KHDRBS3: variants seen among roughly 807,000 people sequenced by gnomAD.
The protein encoded by KHDRBS3 is KH RNA binding domain containing, signal transduction associated 3.
In KHDRBS3, 23 loss-of-function variants were observed where a neutral mutation model predicts 45.6. The ratio of observed to expected loss-of-function variants is 0.50; its 90% CI spans 0.36 to 0.72. KHDRBS3 has a LOEUF of 0.72. Ranked by LOEUF, KHDRBS3 falls within the 30% of genes least tolerant of loss-of-function variation. The pLI is 0.00. For synonymous variants in KHDRBS3, 162 were observed against 156.5 expected (o/e 1.04, Z -0.26); for missense variants, 352 against 424.8 (o/e 0.83, Z 1.51).
rs1243405620 is a variant in KHDRBS3, at chr8:135,597,904, GACTTA to G, written c.808-9046_808-9042del. On this transcript the variant is annotated intron_variant, in intron 6 of 8. Coordinates refer to ENST00000355849, the MANE Select transcript of KHDRBS3 (RefSeq NM_006558.3). ...CCCTTCACTTGTTTGTAGGATTTCT[GACTTA>G]ACTTCATTGTTATTTTGTTTTTCTT... 1.4e-4 allele frequency among the ~76,000 whole-genome samples: 21 copies of G among 151,994 alleles called. 1 individual carries two copies. The highest frequency in any genetic ancestry group is 4.1e-4 in the South Asian group (2 of 4,828).
intron 6 of KHDRBS3, among the ~76,000 whole-genome samples, chr8:135,583,564 A>G (rs1283996573): frequency 1.3e-5 from 2 of 152,178 alleles, no homozygotes; most frequent in Non-Finnish European, 2.9e-5. Flanking sequence ...TGGTTGGATG[A>G]TGTAGTAGAA....
chr8:135,496,452 C>T (rs1000180822), intron 1 of KHDRBS3, among the ~76,000 whole-genome samples: 2 of 151,940 alleles, frequency 1.3e-5, no homozygotes, highest in African/African-American at 4.8e-5. Context: ...AGGCTGGTCT[C>T]GAACTCCTGA....
intron 1 of KHDRBS3, among the ~76,000 whole-genome samples, chr8:135,507,059 A>G (rs1328301918): frequency 6.6e-6 from 1 of 152,116 alleles, no homozygotes; most frequent in African/African-American, 2.4e-5. Context: ...AAATAAATAG[A>G]CTGCAGATAT....
At chr8:135,470,536 T>A (rs1821962026) in intron 1 of KHDRBS3, among the ~76,000 whole-genome samples, 1 of 152,034 alleles carries the variant, frequency 6.6e-6, no homozygotes, top group East Asian at 1.9e-4. Context: ...GGATTGTATT[T>A]TTCTCATCCC....
intron 3 of KHDRBS3, 37 bp downstream of exon 3, chr8:135,542,807 C>A: frequency 7.6e-7 from 1 of 1,319,806 alleles, no homozygotes; most frequent in Non-Finnish European, 1.1e-6. Context: ...AGTTGTGTAT[C>A]ATGTTATATT....
intron 2 of KHDRBS3, chr8:135,540,353 G>A (rs1825984771): frequency 6.6e-6 from 1 of 152,226 alleles, no homozygotes; most frequent in Admixed American, 6.5e-5. Flanking sequence ...CTCAGGAATT[G>A]TAGGTAGCAA....
At chr8:135,620,793 G>A (rs1244825838) in intron 7 of KHDRBS3, among the ~76,000 whole-genome samples, 3 of 152,072 alleles carry the variant, frequency 2.0e-5, no homozygotes, top group Non-Finnish European at 4.4e-5. Context: ...TGTCCTATAA[G>A]TACTAAGGCT....
chr8:135,598,143 A>G (rs1829051659), intron 6 of KHDRBS3, among the ~76,000 whole-genome samples: 1 of 152,242 alleles, frequency 6.6e-6, no homozygotes, highest in South Asian at 2.1e-4. Context: ...ATGGAAATGT[A>G]GACATCACAT....
chr8:135,570,689 C>G (rs893983065), intron 5 of KHDRBS3, among the ~76,000 whole-genome samples: 5 of 152,172 alleles, frequency 3.3e-5, no homozygotes, highest in African/African-American at 1.2e-4. Context: ...TTCCTTCCAA[C>G]TCTGTGCCTA....
In KHDRBS3 at chr8:135,559,125, T is replaced by G. The variant is rs538367170; in HGVS notation, c.611+1538T>G. Among the ~76,000 whole-genome samples, 5 of 152,292 alleles carry G rather than the reference T, an allele frequency of 3.3e-5. No individual in the cohort carries two copies. The South Asian group carries it at 1.0e-3, about 32-fold the overall frequency. On this transcript the variant is annotated intron_variant, in intron 5 of 8. Transcript: ENST00000355849. ...AGATCTAAATCACATCTGTAAAATTTCTTCTTCTAGATAAGGTAATGTAAC... is the reference window on the plus strand; with the variant it reads ...AGATCTAAATCACATCTGTAAAATTGCTTCTTCTAGATAAGGTAATGTAAC...
At chr8:135,526,329 AAATTT>A (rs1825185294) in intron 2 of KHDRBS3, among the ~76,000 whole-genome samples, 2 of 151,904 alleles carry the variant, frequency 1.3e-5, no homozygotes, top group South Asian at 4.2e-4. Flanking sequence ...TTATAATTTA[AAATTT>A]AATTTAAGAT....
intron 2 of KHDRBS3, among the ~76,000 whole-genome samples, chr8:135,529,085 G>A (rs1825336773): frequency 1.3e-5 from 2 of 152,148 alleles, no homozygotes; most frequent in African/African-American, 4.8e-5. Context: ...TAAATCTTGG[G>A]CCTATGATAA....
At chr8:135,627,817 G>A (rs1830439128) in intron 7 of KHDRBS3, among the ~76,000 whole-genome samples, 1 of 151,928 alleles carries the variant, frequency 6.6e-6, no homozygotes, top group Non-Finnish European at 1.5e-5. Flanking sequence ...TGAATTACAT[G>A]GCTTTTTTTT....
chr8:135,606,632 C>G (rs547653802), intron 6 of KHDRBS3, among the ~76,000 whole-genome samples: 1 of 151,856 alleles, frequency 6.6e-6, no homozygotes. Context: ...GTTAGAATAG[C>G]GCAAAGCTCA....
chr8:135,651,783 G>T (rs903148480), downstream of KHDRBS3, among the ~76,000 whole-genome samples: 2 of 152,072 alleles, frequency 1.3e-5, no homozygotes, highest in South Asian at 2.1e-4. Flanking sequence ...ACAGTGTAAG[G>T]GTTTAGTAAG....
intron 8 of KHDRBS3, among the ~76,000 whole-genome samples, chr8:135,645,781 C>T (rs866753558): frequency 7.2e-5 from 11 of 152,118 alleles, no homozygotes; most frequent in African/African-American, 2.7e-4. Flanking sequence ...GAGCCCTTGC[C>T]GCAGGGCAAG....
intron 5 of KHDRBS3, among the ~76,000 whole-genome samples, chr8:135,560,970 C>T (rs1387636129): frequency 1.3e-5 from 2 of 152,172 alleles, no homozygotes; most frequent in Non-Finnish European, 2.9e-5. Context: ...TATGGTCTTC[C>T]TTGGTCCCAA....
chr8:135,631,238 G>A (rs1199721198), intron 7 of KHDRBS3, among the ~76,000 whole-genome samples: 4 of 113,030 alleles, frequency 3.5e-5, no homozygotes, highest in Non-Finnish European at 6.6e-5. Flanking sequence ...GCAACAGAGC[G>A]AGACTCCGTC....
At chr8:135,547,321 T>C (rs1423485566) in intron 3 of KHDRBS3, among the ~76,000 whole-genome samples, 1 of 152,214 alleles carries the variant, frequency 6.6e-6, no homozygotes, top group Non-Finnish European at 1.5e-5. Context: ...GTGCCTATTA[T>C]ATGTTAGGCA....
Sources: gnomAD v4.1 joint callset for allele counts (sites outside exome capture counted in the v4.1 genomes callset) on GRCh38, gnomAD v4.1.1 for gene constraint, MANE v1.5 for transcripts, NCBI Gene and HGNC (gene_info 2026-07-23, HGNC 2026-07-21) for gene names.